The following AKAP19 variants were observed in gnomAD, a reference collection of about 807,000 sequenced individuals.
AKAP19 encodes A-kinase anchoring protein 19.
At chr2:190,172,468 A>G in the AKAP19 span, among the ~76,000 whole-genome samples, 5 of 152,092 alleles carry the variant, frequency 3.3e-5, no homozygotes, top group Non-Finnish European at 7.4e-5. Flanking sequence ...ATACTTTATC[A>G]CCCTATTCAA....
the AKAP19 span, among the ~76,000 whole-genome samples, chr2:190,058,261 T>G: frequency 6.6e-6 from 1 of 152,054 alleles, no homozygotes; most frequent in East Asian, 1.9e-4. Context: ...AATCTTTTAA[T>G]GCATTTGAGA....
At chr2:190,083,517 G>T in the AKAP19 span, among the ~76,000 whole-genome samples, 1 of 144,230 alleles carries the variant, frequency 6.9e-6, no homozygotes, top group Admixed American at 6.9e-5. Context: ...AGTTCCATTT[G>T]ACCTTTGTGA....
At chr2:190,041,235 T>C in the AKAP19 span, among the ~76,000 whole-genome samples, 1 of 152,176 alleles carries the variant, frequency 6.6e-6, no homozygotes, top group South Asian at 2.1e-4. Context: ...CCCTTTCTTC[T>C]TTCTGGTTAG....
At chr2:189,907,861 T>C in the AKAP19 span, among the ~76,000 whole-genome samples, 4 of 152,174 alleles carry the variant, frequency 2.6e-5, no homozygotes, top group Non-Finnish European at 5.9e-5. Context: ...CAATTGTTCA[T>C]AGTATTCTCT....
the AKAP19 span, among the ~76,000 whole-genome samples, chr2:190,106,940 A>T: frequency 5.9e-5 from 9 of 152,216 alleles, no homozygotes. Context: ...AGGAGATTCT[A>T]TTCCTAGATC....
At chr2:190,115,555 G>A in the AKAP19 span, among the ~76,000 whole-genome samples, 2 of 149,844 alleles carry the variant, frequency 1.3e-5, no homozygotes, top group African/African-American at 2.5e-5. Flanking sequence ...TCCTGACCTC[G>A]TGATCCGCCC....
chr2:190,019,747 A>G, the AKAP19 span, among the ~76,000 whole-genome samples: 4 of 152,072 alleles, frequency 2.6e-5, no homozygotes, highest in East Asian at 7.7e-4. Flanking sequence ...TTTCTACTGT[A>G]GAAACTGTGG....
chr2:190,089,385 AG>A, the AKAP19 span, among the ~76,000 whole-genome samples: 2 of 152,068 alleles, frequency 1.3e-5, no homozygotes, highest in Middle Eastern at 3.2e-3. Context: ...GTGATGAGTA[AG>A]TATATTTCTT....
the AKAP19 span, among the ~76,000 whole-genome samples, chr2:190,074,522 G>A: frequency 1.2e-4 from 18 of 152,090 alleles, no homozygotes; most frequent in Admixed American, 7.9e-4. Flanking sequence ...GTGGTGGCGC[G>A]TGCCTCTAGT....
the AKAP19 span, among the ~76,000 whole-genome samples, chr2:190,000,111 T>C: frequency 1.3e-5 from 2 of 152,286 alleles, no homozygotes; most frequent in Non-Finnish European, 2.9e-5. Context: ...TTTTGATATC[T>C]CCAGGATATC....
the AKAP19 span, among the ~76,000 whole-genome samples, chr2:189,905,637 C>T: frequency 1.3e-5 from 2 of 150,978 alleles, no homozygotes; most frequent in African/African-American, 4.9e-5. Context: ...AATCTATAGT[C>T]AGTTTTTAGT....
chr2:189,998,771 C>CTTTTTTTTTTTTTTTTTTTTTTTTTTTT, the AKAP19 span, among the ~76,000 whole-genome samples: 2 of 97,542 alleles, frequency 2.1e-5, no homozygotes, highest in Admixed American at 1.4e-4. Context: ...TTCTTTCTTT[C>CTTTTTTTTTTTTTTTTTTTTTTTTTTTT]TTTTTTTTTT....
the AKAP19 span, among the ~76,000 whole-genome samples, chr2:190,004,343 T>A: frequency 1.3e-5 from 2 of 152,134 alleles, no homozygotes; most frequent in African/African-American, 2.4e-5. Context: ...CATATGAAAA[T>A]ATGTCAGATA....
At chr2:189,894,802 T>G in the AKAP19 span, among the ~76,000 whole-genome samples, 20 of 151,580 alleles carry the variant, frequency 1.3e-4, no homozygotes, top group Non-Finnish European at 7.4e-5. Flanking sequence ...TGATGTCTTT[T>G]CTTAAAATGC....
the AKAP19 span, among the ~76,000 whole-genome samples, chr2:190,169,598 A>G: frequency 2.0e-5 from 3 of 152,326 alleles, no homozygotes; most frequent in African/African-American, 7.2e-5. Flanking sequence ...ATAACAGGGA[A>G]GCCAAGTTGG....
the AKAP19 span, among the ~76,000 whole-genome samples, chr2:190,093,884 T>A: frequency 1.3e-5 from 2 of 152,198 alleles, no homozygotes; most frequent in Non-Finnish European, 2.9e-5. Context: ...CTAGCAGCAG[T>A]CAGAGACGAA....
chr2:190,038,941 T>TTCTTCTTCTTCC, the AKAP19 span, among the ~76,000 whole-genome samples: 24 of 143,992 alleles, frequency 1.7e-4, no homozygotes, highest in African/African-American at 6.7e-4. Context: ...CTTCTTCTTC[T>TTCTTCTTCTTCC]TCTTCTTCTT....
At chr2:190,199,493 C>A in the AKAP19 span, among the ~76,000 whole-genome samples, 1 of 151,938 alleles carries the variant, frequency 6.6e-6, no homozygotes, top group African/African-American at 2.4e-5. Flanking sequence ...TATGCAAGAT[C>A]TTGAAAAAAA....
chr2:189,987,003 G>A, the AKAP19 span, among the ~76,000 whole-genome samples: 8 of 152,174 alleles, frequency 5.3e-5, no homozygotes, highest in Middle Eastern at 3.4e-3. Context: ...AAAAAACCCC[G>A]TAAAACTTTG....
Sources: allele counts gnomAD v4.1 joint callset (sites outside exome capture counted in the v4.1 genomes callset), GRCh38; gene constraint gnomAD v4.1.1; transcripts MANE v1.5; gene names NCBI Gene and HGNC (gene_info 2026-07-23, HGNC 2026-07-21).